Variants in ARHGEF11 observed in about 807,000 individuals in gnomAD.
ARHGEF11 encodes the protein Rho guanine nucleotide exchange factor 11.
Under a neutral mutation model 193.7 loss-of-function variants are expected in ARHGEF11, and 55 were observed. The ratio of observed to expected loss-of-function variants is 0.28; its 90% CI spans 0.23 to 0.36. The LOEUF (loss-of-function observed/expected upper bound fraction) is 0.36, where lower values mean the gene tolerates loss of function less well. Among genes scored for constraint, ARHGEF11 ranks in the 10% least tolerant of loss-of-function variants. The pLI is 1.00. For synonymous variants in ARHGEF11, 693 were observed against 768.0 expected, an observed-to-expected ratio of 0.90 and a Z score of 1.62; for missense variants, 1,723 against 2,005.6, an observed-to-expected ratio of 0.86 and a Z score of 2.69.
intron 1 of ARHGEF11, among the ~76,000 whole-genome samples, chr1:156,993,595 C>T (rs539629044): frequency 3.9e-4 from 59 of 152,260 alleles, no homozygotes; most frequent in Admixed American, 2.6e-3. Flanking sequence ...AGGACCTTAG[C>T]TCCAGATAAA....
At chr1:157,022,855 A>G (rs1300723635) in intron 1 of ARHGEF11, among the ~76,000 whole-genome samples, 3 of 152,244 alleles carry the variant, frequency 2.0e-5, no homozygotes, top group Non-Finnish European at 4.4e-5. Context: ...CATCACATTT[A>G]TGGGTCCACT....
chr1:157,003,544 T>C (rs1332418731), intron 1 of ARHGEF11, among the ~76,000 whole-genome samples: 2 of 152,224 alleles, frequency 1.3e-5, no homozygotes, highest in African/African-American at 4.8e-5. Context: ...TGAAAATATG[T>C]TTCATGAATG....
chr1:157,008,859 C>A (rs1176099336), intron 1 of ARHGEF11, among the ~76,000 whole-genome samples: 1 of 152,224 alleles, frequency 6.6e-6, no homozygotes, highest in African/African-American at 2.4e-5. Context: ...AATGGTATCA[C>A]CTTTGAGAGG....
rs748748756 is a variant in ARHGEF11 at position 156,948,258 on chromosome 1, C to A, written c.2106-30G>T. 3 of 1,602,482 alleles carry A rather than the reference C, an allele frequency of 1.9e-6. No homozygotes were observed. Among genetic ancestry groups the A allele is most frequent in the East Asian group, 4.5e-5 (2 of 44,566 alleles). On this transcript the variant is annotated intron_variant, in intron 23 of 40. Transcript: ENST00000368194. The surrounding 1 kb of genome is among the most constrained non-coding windows in gnomAD (Gnocchi z 4.2). ...GGAGGGAATGTCAACTCTCAGCAACCCTCTATCCTTGCCGCCACCCCTGAG... is the reference window on the plus strand; with the variant it reads ...GGAGGGAATGTCAACTCTCAGCAACACTCTATCCTTGCCGCCACCCCTGAG...
chr1:156,959,943 C>CCCACA (rs1553204878), intron 15 of ARHGEF11, among the ~76,000 whole-genome samples: 2 of 97,098 alleles, frequency 2.1e-5, no homozygotes, highest in African/African-American at 7.9e-5. Context: ...CCCCCCCCCC[C>CCCACA]AAAAAAAACA....
In ARHGEF11 at chr1:156,958,944, C is replaced by A; in HGVS notation, c.1380-80G>T. 1.9e-6 allele frequency: 3 copies of A among 1,609,356 alleles called. No homozygotes were observed. In the South Asian group the frequency reaches 3.3e-5, roughly 18 times the overall value. ...GGACATCCAGAAAGAACAAGACAAA[C>A]ACATATAACAAGAGATATGTGCACG... is the stretch of plus-strand genomic sequence containing the variant. On this transcript the variant is annotated intron_variant, in intron 16 of 40. Coordinates refer to ENST00000368194, the MANE Select transcript of ARHGEF11 (RefSeq NM_198236.3).
In ARHGEF11 at chr1:156,963,529, G is replaced by C. The variant is rs769821784; in HGVS notation, c.1029C>G (p.Phe343Leu). 3.7e-6 allele frequency: 6 copies of C among 1,613,610 alleles called. No homozygotes were observed. In the African/African-American group the frequency reaches 8.0e-5, roughly 22 times the overall value. The change falls in exon 12 of 41, where the codon TTC (phenylalanine) becomes TTG (leucine). Residue 343 changes from phenylalanine (F) to leucine (L), a missense_variant. By Grantham distance (22) the Phe-to-Leu change is conservative. This residue lies in a region of ARHGEF11 where 646 missense variants were observed against 710.7 expected (regional missense o/e 0.91). Coordinates refer to ENST00000368194, the MANE Select transcript of ARHGEF11 (RefSeq NM_198236.3). Reference sequence around the variant, plus strand: ...ACTAGGAAACCGTTACCTCGTTGTTGAAATAACCCGGGTCATAGTCTTCCT... The same window carrying C: ...ACTAGGAAACCGTTACCTCGTTGTTCAAATAACCCGGGTCATAGTCTTCCT... The part of the protein sequence containing the change: ...GPEEDYDPGY[F>L]NNESDIIFQD...
At chr1:157,023,331 C>T (rs1045006056) in intron 1 of ARHGEF11, among the ~76,000 whole-genome samples, 2 of 152,036 alleles carry the variant, frequency 1.3e-5, no homozygotes, top group African/African-American at 2.4e-5. Flanking sequence ...GGGCAAAGGA[C>T]GTGAACAGAT....
At chr1:157,039,578 T>C (rs954028307) in intron 1 of ARHGEF11, among the ~76,000 whole-genome samples, 3 of 152,220 alleles carry the variant, frequency 2.0e-5, no homozygotes, top group African/African-American at 7.2e-5. Flanking sequence ...AGGAGTGATC[T>C]TGCATGCCAC....
At position 156,939,799 on chromosome 1, in the gene ARHGEF11, C is replaced by T. The variant is rs1248271231; in HGVS notation, c.3845G>A (p.Ser1282Asn). ...TGGGTCCCAGGGGTGAGAGGTGACG[C>T]TGATGACAGAAGGTGTGGGTGTCAG... is the stretch of plus-strand genomic sequence containing the variant. ...DDLTPTPSVI[S>N]VTSHPWDPGS... is the part of the protein sequence containing the mutation. The change falls in exon 37 of 41, where the codon AGC becomes AAC. Residue 1282 changes from serine (S) to asparagine (N), a missense_variant. Around this residue, in one of 5 missense-constraint regions of ARHGEF11, gnomAD observed 203 missense variants for 237.3 expected, o/e 0.86. Coordinates refer to ENST00000368194, the MANE Select transcript of ARHGEF11 (RefSeq NM_198236.3). 1 of 1,613,702 alleles carries T rather than the reference C, an allele frequency of 6.2e-7. No homozygotes were observed. Among genetic ancestry groups the T allele is most frequent in the East Asian group, 2.2e-5 (1 of 44,892 alleles).
chr1:157,005,937 A>G (rs550686462), intron 1 of ARHGEF11, among the ~76,000 whole-genome samples: 1 of 152,356 alleles, frequency 6.6e-6, no homozygotes, highest in East Asian at 1.9e-4. Flanking sequence ...AGAAAAGAGT[A>G]TATCTCCCAT....
chr1:157,038,642 T>C (rs1012701631), intron 1 of ARHGEF11, among the ~76,000 whole-genome samples: 1 of 152,214 alleles, frequency 6.6e-6, no homozygotes, highest in Non-Finnish European at 1.5e-5. Flanking sequence ...GGCAAGAGGA[T>C]CCCTTGAAGT....
Position 156,976,974 on chromosome 1 carries a change from T to C in ARHGEF11, c.582+9A>G, listed in dbSNP as rs2102373321. 1 of 1,613,512 alleles carries C rather than the reference T, an allele frequency of 6.2e-7. No homozygotes were observed. The highest frequency in any genetic ancestry group is 1.7e-5 in the Admixed American group (1 of 60,028). On this transcript the variant is annotated intron_variant, in intron 7 of 40. Coordinates refer to ENST00000368194, the MANE Select transcript of ARHGEF11 (RefSeq NM_198236.3). ...GCAATGGCCAGTCTACCCTTGGCAG[T>C]GACCTTACCTGTAATTCTTTTTCTT... is the stretch of plus-strand genomic sequence containing the variant.
intron 36 of ARHGEF11, 147 bp downstream of exon 36, chr1:156,940,060 G>A: frequency 7.1e-7 from 1 of 1,414,342 alleles, no homozygotes; most frequent in Non-Finnish European, 9.4e-7. Flanking sequence ...GGGGTTGGGT[G>A]GGGAATGACA....
rs770797395 is a variant in ARHGEF11 at position 156,979,264 on chromosome 1, T to C, written c.296A>G (p.Asn99Ser). 11 of 1,614,126 alleles carry C rather than the reference T, an allele frequency of 6.8e-6. No individual in the cohort carries two copies. The South Asian group carries it at 7.7e-5, about 11-fold the overall frequency. ...IIKVNGTMVT[N>S]SSHLEVVKLI... Reference sequence around the variant, plus strand: ...CTTTACCACTTCCAGGTGTGAGCTATTGGTCACCATGGTGCCGTTGACCTG... The same window carrying C: ...CTTTACCACTTCCAGGTGTGAGCTACTGGTCACCATGGTGCCGTTGACCTG... The change falls in exon 5 of 41, where the codon AAT becomes AGT. Residue 99 changes from asparagine (N) to serine (S), a missense_variant. Transcript: ENST00000368194.
chr1:156,992,457 G>T (rs1413946626), intron 1 of ARHGEF11, among the ~76,000 whole-genome samples: 1 of 152,176 alleles, frequency 6.6e-6, no homozygotes, highest in Non-Finnish European at 1.5e-5. Flanking sequence ...GCACAGAGCA[G>T]GTGCCTTCTA....
chr1:157,032,687 T>C (rs1671448403), intron 1 of ARHGEF11, among the ~76,000 whole-genome samples: 1 of 152,156 alleles, frequency 6.6e-6, no homozygotes, highest in South Asian at 2.1e-4. Context: ...ACTATGTCCA[T>C]CACCATTTCT....
At chr1:156,994,360 T>C (rs920206155) in intron 1 of ARHGEF11, among the ~76,000 whole-genome samples, 18 of 149,676 alleles carry the variant, frequency 1.2e-4, no homozygotes, top group African/African-American at 4.4e-4. Flanking sequence ...GCTTTGAAAG[T>C]GTAAAGCCCT....
At chr1:156,978,884 G>A (rs1663662540) in intron 5 of ARHGEF11, among the ~76,000 whole-genome samples, 1 of 152,226 alleles carries the variant, frequency 6.6e-6, no homozygotes, top group Admixed American at 6.5e-5. Context: ...CTGCCAAACA[G>A]AAAACAAATG....
Sources: gnomAD v4.1 joint callset for allele counts (sites outside exome capture counted in the v4.1 genomes callset) on GRCh38, gnomAD v4.1.1 for gene constraint, gnomAD v4.1.1 regional missense constraint, Gnocchi (gnomAD v3.1) non-coding constraint, MANE v1.5 for transcripts, NCBI Gene and HGNC (gene_info 2026-07-23, HGNC 2026-07-21) for gene names.